DCLK1: variants seen among roughly 807,000 people sequenced by gnomAD.
DCLK1 encodes serine/threonine-protein kinase DCLK1.
A neutral mutation model predicts 86.2 loss-of-function variants in DCLK1; 16 were observed. That is an observed-to-expected ratio of 0.19 (90% CI 0.13 to 0.28). The LOEUF (loss-of-function observed/expected upper bound fraction) is 0.28, where lower values mean the gene tolerates loss of function less well. Among genes scored for constraint, DCLK1 ranks in the 10% least tolerant of loss-of-function variants. The pLI is 1.00. For missense variants in DCLK1, 590 were observed against 940.2 expected (o/e 0.63, Z 4.87); for synonymous variants, 369 against 370.5 (o/e 1.00, Z 0.05).
chr13:36,125,972 C>T lies in DCLK1; in HGVS notation c.166G>A (p.Ala56Thr). ...TTTCGATAGAAACGAACTTTCTTGG[C>T]CTTCTTCTCGGAGCTGAGCGTCTGC... Reference protein sequence around the residue: ...TLQTLSSEKKAKKVRFYRNGD... With the variant: ...TLQTLSSEKKTKKVRFYRNGD... The change falls in exon 2 of 17, where the codon GCC (alanine) becomes ACC (threonine). Residue 56 changes from alanine to threonine, a missense_variant. Around this residue, in one of 6 missense-constraint regions of DCLK1, gnomAD observed 195 missense variants for 365.1 expected, o/e 0.53. Coordinates refer to ENST00000360631, the MANE Select transcript of DCLK1 (RefSeq NM_001330071.2). 1 of 1,614,176 alleles carries T rather than the reference C, an allele frequency of 6.2e-7. No homozygotes were observed. The highest frequency in any genetic ancestry group is 8.5e-7 in the Non-Finnish European group (1 of 1,180,030).
chr13:35,789,884 CTCT>C (rs1183837747), intron 16 of DCLK1, among the ~76,000 whole-genome samples: 3 of 151,886 alleles, frequency 2.0e-5, no homozygotes, highest in Non-Finnish European at 4.4e-5. Context: ...CTTTCTCTCT[CTCT>C]TTTTTTTTTC....
chr13:35,773,937 C>T lies in DCLK1; in HGVS notation c.*598G>A, dbSNP rs1285521374. ...GGGATGCAGAACTCACTGCAACTGA[C>T]AGTCATATCTCTAATGAAAAAAAAA... is the stretch of plus-strand genomic sequence containing the variant. On this transcript the variant is annotated 3_prime_UTR_variant, in exon 17 of 17. Coordinates refer to ENST00000360631, the MANE Select transcript of DCLK1 (RefSeq NM_001330071.2). The T allele has an allele frequency of 1.3e-5, 2 of 151,720 alleles. No homozygotes were observed. Among genetic ancestry groups the T allele is most frequent in the Non-Finnish European group, 2.9e-5 (2 of 68,054 alleles). 9.4% of individuals were successfully genotyped at this position (151,720 alleles called of 1,614,324 possible).
intron 4 of DCLK1, among the ~76,000 whole-genome samples, chr13:35,918,122 G>T (rs1654595167): frequency 6.6e-6 from 1 of 152,156 alleles, no homozygotes; most frequent in South Asian, 2.1e-4. Context: ...CAAAAAGAAT[G>T]AATCCTTTCT....
chr13:35,845,584 A>G (rs1400650826), intron 6 of DCLK1, among the ~76,000 whole-genome samples: 1 of 152,146 alleles, frequency 6.6e-6, no homozygotes, highest in Non-Finnish European at 1.5e-5. Context: ...CTTCTCCTCA[A>G]TGAGTTATCG....
rs9575019 is a variant in DCLK1, at chr13:35,971,628, T to C, written c.724-24171A>G. The stretch of plus-strand genomic sequence containing the variant: ...AAATACAAAAATTAGCCAGGCATGG[T>C]GATGGATGCCTGTAATCTCAGCAAT... On this transcript the variant is annotated intron_variant, in intron 3 of 16. Transcript: ENST00000360631. Among the ~76,000 whole-genome samples the C allele has an allele frequency of 0.014, 2,127 of 152,178 alleles. 127 individuals are homozygous for C. In the East Asian group the frequency reaches 0.22, roughly 16 times the overall value.
At position 35,896,375 on chromosome 13, in the gene DCLK1, C is replaced by T. The variant is rs150282886; in HGVS notation, c.824-25035G>A. Reference sequence around the variant, plus strand: ...CCAACATGGTGAAATCCTGTTACTACTAAAAATACAAAAATTAGACGGGTA... The same window carrying T: ...CCAACATGGTGAAATCCTGTTACTATTAAAAATACAAAAATTAGACGGGTA... On this transcript the variant is annotated intron_variant, in intron 4 of 16. Transcript: ENST00000360631. Among the ~76,000 whole-genome samples, 74 of 151,890 alleles carry T rather than the reference C, an allele frequency of 4.9e-4. 1 individual carries two copies. The highest frequency in any genetic ancestry group is 3.4e-3 in the Middle Eastern group (1 of 294).
At position 35,899,338 on chromosome 13, in the gene DCLK1, AGT is replaced by A. The variant is rs755180041; in HGVS notation, c.824-28000_824-27999del. 2.3e-3 allele frequency among the ~76,000 whole-genome samples: 337 copies of A among 143,920 alleles called. 1 individual carries two copies. The highest frequency in any genetic ancestry group is 0.021 in the South Asian group (87 of 4,204). The allele number at this position is 143,920 out of a possible 152,430, so 94.4% of individuals were successfully genotyped here. ...TAAGTATGTGTCAACGAGAAATACA[AGT>A]GTGTGTGTGTGTGTGTGTGTGTGTG... On this transcript the variant is annotated intron_variant, in intron 4 of 16. Coordinates refer to ENST00000360631, the MANE Select transcript of DCLK1 (RefSeq NM_001330071.2).
intron 3 of DCLK1, among the ~76,000 whole-genome samples, chr13:36,088,467 A>G (rs889767702): frequency 2.0e-5 from 3 of 152,234 alleles, no homozygotes; most frequent in African/African-American, 7.2e-5. Flanking sequence ...GCCTTCTGGA[A>G]AGCTTAAATG....
chr13:35,893,680 G>C lies in DCLK1; in HGVS notation c.824-22340C>G, dbSNP rs146491251. 4.4e-4 allele frequency among the ~76,000 whole-genome samples: 67 copies of C among 152,332 alleles called. No homozygotes were observed. In the East Asian group the frequency reaches 0.013, roughly 29 times the overall value. ...TTAATCAAAACACAGCATGGTAAGT[G>C]GAGACTAAAGCCTGCACTGTCTGTT... On this transcript the variant is annotated intron_variant, in intron 4 of 16. Transcript: ENST00000360631.
intron 3 of DCLK1, among the ~76,000 whole-genome samples, chr13:36,072,302 A>G (rs997847119): frequency 6.6e-6 from 1 of 152,182 alleles, no homozygotes; most frequent in Admixed American, 6.5e-5. Flanking sequence ...CATTCTGCTG[A>G]CTTGATTCCT....
At chr13:36,062,488 G>A (rs773336570) in intron 3 of DCLK1, among the ~76,000 whole-genome samples, 9 of 152,084 alleles carry the variant, frequency 5.9e-5, no homozygotes, top group Non-Finnish European at 1.0e-4. Context: ...CTGGCTACTC[G>A]GCCTAAGCAG....
intron 3 of DCLK1, among the ~76,000 whole-genome samples, chr13:35,991,174 G>T (rs1880202241): frequency 6.6e-6 from 1 of 152,120 alleles, no homozygotes; most frequent in Non-Finnish European, 1.5e-5. Context: ...AAAGAAAAGT[G>T]CCTAAGACAC....
intron 4 of DCLK1, among the ~76,000 whole-genome samples, chr13:35,945,323 T>C (rs1404677534): frequency 6.6e-6 from 1 of 152,204 alleles, no homozygotes; most frequent in East Asian, 1.9e-4. Flanking sequence ...CTGCTGGTCA[T>C]AGCAGGTGCA....
At chr13:35,934,942 G>A (rs1876675360) in intron 4 of DCLK1, among the ~76,000 whole-genome samples, 1 of 152,046 alleles carries the variant, frequency 6.6e-6, no homozygotes, top group Non-Finnish European at 1.5e-5. Context: ...AACAACAATG[G>A]TATAATAAAG....
rs192121579 is a variant in DCLK1, at chr13:36,059,852, G to T, written c.723+52017C>A. On this transcript the variant is annotated intron_variant, in intron 3 of 16. Coordinates refer to ENST00000360631, the MANE Select transcript of DCLK1 (RefSeq NM_001330071.2). ...ATATCATGTTTTTCATAACAAAGATGACTTCACTTAAATCTCTTTTTTTTT... is the reference window on the plus strand; with the variant it reads ...ATATCATGTTTTTCATAACAAAGATTACTTCACTTAAATCTCTTTTTTTTT... 3.0e-3 allele frequency among the ~76,000 whole-genome samples: 451 copies of T among 150,158 alleles called. 4 individuals carry two copies. Among genetic ancestry groups the T allele is most frequent in the South Asian group, 0.019 (91 of 4,684 alleles).
rs539721320 is a variant in DCLK1 at position 35,901,225 on chromosome 13, G to T, written c.824-29885C>A. 5.9e-5 allele frequency among the ~76,000 whole-genome samples: 9 copies of T among 152,174 alleles called. No individual in the cohort carries two copies. In the South Asian group the frequency reaches 1.9e-3, roughly 32 times the overall value. ...GACTTGGCCAGGCATGGTGGCTTACGCCTGTAATCCCAGCACTTTGGGAGG... is the reference window on the plus strand; with the variant it reads ...GACTTGGCCAGGCATGGTGGCTTACTCCTGTAATCCCAGCACTTTGGGAGG... On this transcript the variant is annotated intron_variant, in intron 4 of 16. Transcript: ENST00000360631.
At chr13:35,885,769 T>C (rs1243656542) in intron 4 of DCLK1, among the ~76,000 whole-genome samples, 1 of 152,194 alleles carries the variant, frequency 6.6e-6, no homozygotes, top group Non-Finnish European at 1.5e-5. Flanking sequence ...CATCTAAAAA[T>C]GAAAATGATC....
intron 3 of DCLK1, among the ~76,000 whole-genome samples, chr13:36,029,329 G>C (rs150364877): frequency 6.6e-6 from 1 of 152,146 alleles, no homozygotes; most frequent in Non-Finnish European, 1.5e-5. Context: ...CATGACACAT[G>C]TGTTTGTGTG....
intron 4 of DCLK1, among the ~76,000 whole-genome samples, chr13:35,898,378 GAAGT>G (rs1319458847): frequency 1.3e-5 from 2 of 152,190 alleles, no homozygotes; most frequent in East Asian, 3.8e-4. Context: ...GATATTTAAT[GAAGT>G]CTTGCAAGTA....
Sources: gnomAD v4.1 joint callset for allele counts (sites outside exome capture counted in the v4.1 genomes callset) on GRCh38, gnomAD v4.1.1 for gene constraint, gnomAD v4.1.1 regional missense constraint, MANE v1.5 for transcripts, NCBI Gene and HGNC (gene_info 2026-07-23, HGNC 2026-07-21) for gene names.